Variants in CCDC93 observed in about 807,000 individuals in gnomAD.
The protein encoded by CCDC93 is coiled-coil domain-containing protein 93.
A neutral mutation model predicts 108.2 loss-of-function variants in CCDC93; 61 were observed. The observed-to-expected ratio is 0.56, with a 90% CI of 0.46 to 0.70. The LOEUF (loss-of-function observed/expected upper bound fraction) is 0.70. Among genes scored for constraint, CCDC93 ranks in the 30% least tolerant of loss-of-function variants. The pLI, the probability that CCDC93 is intolerant of heterozygous loss-of-function variation, is 0.00. For synonymous variants in CCDC93, 276 were observed against 260.4 expected, an observed-to-expected ratio of 1.06 and a Z score of -0.58; for missense variants, 685 against 764.2, an observed-to-expected ratio of 0.90 and a Z score of 1.22.
intron 6 of CCDC93, among the ~76,000 whole-genome samples, chr2:117,994,901 AG>A (rs1680596980): frequency 6.6e-6 from 1 of 152,184 alleles, no homozygotes; most frequent in Admixed American, 6.5e-5. Context: ...ACAGCTAACA[AG>A]GTTCCACAGC....
chr2:117,985,422 G>T, intron 7 of CCDC93: 1 of 966,688 alleles, frequency 1.0e-6, no homozygotes, highest in Non-Finnish European at 1.2e-6. Context: ...AAGAGAATGC[G>T]TGACATAAAA....
chr2:117,974,932 G>A, intron 9 of CCDC93, 32 bp from the exon 10 acceptor site: 8 of 1,548,282 alleles, frequency 5.2e-6, no homozygotes, highest in Non-Finnish European at 7.0e-6. Flanking sequence ...GCAGCAGTGA[G>A]TGGTTCTGAA....
intron 11 of CCDC93, among the ~76,000 whole-genome samples, chr2:117,970,804 GACAA>G (rs915805908): frequency 1.4e-4 from 22 of 151,986 alleles, no homozygotes; most frequent in Non-Finnish European, 2.6e-4. Flanking sequence ...TAACAAATTA[GACAA>G]ACAAAAAAAT....
Position 118,000,930 on chromosome 2 carries a change from G to A in CCDC93, c.254C>T (p.Ala85Val). 6.2e-7 allele frequency: 1 copy of A among 1,601,936 alleles called. No individual in the cohort carries two copies. The highest frequency in any genetic ancestry group is 8.6e-7 in the Non-Finnish European group (1 of 1,169,046). Residue 85 changes from alanine (A) to valine (V), a missense_variant and splice_region_variant, in exon 4 of 24, where the codon GCT becomes GTT. Ala to Val is a moderately conservative substitution (Grantham distance 64). Transcript: ENST00000376300. ...QENSTIGQKI[A>V]LSEKIVSVLP... ...GACCGAGACAATTTTTTCTGACAGA[G>A]CTCTGTTCAGAAAAAGTAACAAGCA... is the stretch of plus-strand genomic sequence containing the variant.
At chr2:117,973,192 T>C (rs1270263304) in intron 11 of CCDC93, among the ~76,000 whole-genome samples, 5 of 152,038 alleles carry the variant, frequency 3.3e-5, no homozygotes, top group African/African-American at 1.2e-4. Flanking sequence ...CAGAGCTAAT[T>C]TGTAGTAAAA....
intron 12 of CCDC93, among the ~76,000 whole-genome samples, chr2:117,956,804 T>C (rs1679231490): frequency 6.6e-6 from 1 of 152,150 alleles, no homozygotes; most frequent in African/African-American, 2.4e-5. Context: ...AAAGAAATGA[T>C]TGGGCAGGAC....
chr2:117,990,921 G>A (rs890669972), intron 6 of CCDC93, among the ~76,000 whole-genome samples: 1 of 151,482 alleles, frequency 6.6e-6, no homozygotes, highest in Non-Finnish European at 1.5e-5. Context: ...TATCATGGGT[G>A]ATTTAGTTTT....
chr2:118,013,934 G>A lies in CCDC93; in HGVS notation c.42+20C>T, dbSNP rs1385701254. On this transcript the variant is annotated intron_variant, in intron 1 of 23. Transcript: ENST00000376300. Reference sequence around the variant, plus strand: ...TCTTCAGGAACCCCGACGTGTCAGGGAAGGAGGAGGCGTTCTTACCTCCGG... The same window carrying A: ...TCTTCAGGAACCCCGACGTGTCAGGAAAGGAGGAGGCGTTCTTACCTCCGG... The A allele has an allele frequency of 1.9e-6, 3 of 1,566,512 alleles. No homozygotes were observed. The highest frequency in any genetic ancestry group is 2.6e-6 in the Non-Finnish European group (3 of 1,157,296).
chr2:117,928,794 T>C (rs928305771), intron 23 of CCDC93, among the ~76,000 whole-genome samples: 19 of 152,308 alleles, frequency 1.2e-4, no homozygotes, highest in Non-Finnish European at 1.5e-5. Flanking sequence ...CATGCTGCAA[T>C]AAAGACACAT....
Position 117,919,552 on chromosome 2 carries a change from T to C in CCDC93, c.*791A>G, listed in dbSNP as rs1436352819. The C allele has an allele frequency of 6.6e-6, 1 of 152,214 alleles. No homozygotes were observed. The highest frequency in any genetic ancestry group is 2.4e-5 in the African/African-American group (1 of 41,448). 9.4% of individuals were successfully genotyped at this position (152,214 alleles called of 1,614,324 possible). ...TCAAATGTGCCTTCAATGAGGGGGA[T>C]GCACAGCCCCTCTGCATGCTGTGAC... On this transcript the variant is annotated 3_prime_UTR_variant, in exon 24 of 24. Transcript: ENST00000376300.
At position 117,916,204 on chromosome 2, in the gene CCDC93, T is replaced by C. The variant is rs1573448721; in HGVS notation, c.*4139A>G. On this transcript the variant is annotated 3_prime_UTR_variant, in exon 24 of 24. Transcript: ENST00000376300. ...CCACAGCCTTGCACTGTGGTCCCAC[T>C]TCTTGGTTCACATGGCTGAGACATT... 6.6e-6 allele frequency: 1 copy of C among 152,302 alleles called. No homozygotes were observed. The highest frequency in any genetic ancestry group is 2.1e-4 in the South Asian group (1 of 4,822). 9.4% of individuals were successfully genotyped at this position (152,302 alleles called of 1,614,324 possible).
At chr2:117,974,730 A>G in intron 10 of CCDC93, 120 bp downstream of exon 10, 1 of 694,566 alleles carries the variant, frequency 1.4e-6, no homozygotes, top group Non-Finnish European at 2.6e-6. Flanking sequence ...CCTGGGGAAG[A>G]GGAGGTACTG....
chr2:117,946,730 G>C lies in CCDC93; in HGVS notation c.1296+81C>G. The C allele has an allele frequency of 2.2e-5, 20 of 918,974 alleles. No individual in the cohort carries two copies. In the South Asian group the frequency reaches 2.8e-4, roughly 13 times the overall value. 56.9% of individuals were successfully genotyped at this position (918,974 alleles called of 1,614,324 possible). A position where few individuals can be genotyped will look rare whatever the true frequency, so the allele number is the denominator to read the frequency against. On this transcript the variant is annotated intron_variant, in intron 16 of 23. Coordinates refer to ENST00000376300, the MANE Select transcript of CCDC93 (RefSeq NM_019044.5). ...ATTTACAGGATAAGTTAGCAACAGC[G>C]GTCTGCTCTTTGGTCCTCTAGAACT...
At chr2:117,962,502 G>C (rs1679429190) in intron 11 of CCDC93, among the ~76,000 whole-genome samples, 1 of 152,174 alleles carries the variant, frequency 6.6e-6, no homozygotes, top group Non-Finnish European at 1.5e-5. Flanking sequence ...AATTAGCCAG[G>C]CATAGTGGCA....
chr2:117,921,437 C>T (rs1391059925), intron 23 of CCDC93, among the ~76,000 whole-genome samples: 3 of 152,088 alleles, frequency 2.0e-5, no homozygotes, highest in Non-Finnish European at 4.4e-5. Flanking sequence ...AGCAAACCTC[C>T]AATAACTCTG....
rs1677775586 is a variant in CCDC93, at chr2:117,918,904, T to C, written c.*1439A>G. ...TTAATCCAGCACGTGTGTGTGTTTT[T>C]AAATCTGTACACATCAGCCCTGCTT... On this transcript the variant is annotated 3_prime_UTR_variant, in exon 24 of 24. Coordinates refer to ENST00000376300, the MANE Select transcript of CCDC93 (RefSeq NM_019044.5). 6.6e-6 allele frequency: 1 copy of C among 152,262 alleles called. No homozygotes were observed. The highest frequency in any genetic ancestry group is 1.5e-5 in the Non-Finnish European group (1 of 68,048). The allele number at this position is 152,262 out of a possible 1,614,324, so 9.4% of individuals were successfully genotyped here.
At chr2:117,946,775 A>G in intron 16 of CCDC93, 36 bp downstream of exon 16, 2 of 1,447,120 alleles carry the variant, frequency 1.4e-6, no homozygotes, top group Non-Finnish European at 1.9e-6. Flanking sequence ...CCGTAATAGC[A>G]CCTGAGAGTC....
intron 3 of CCDC93, among the ~76,000 whole-genome samples, chr2:118,001,511 A>G (rs1676684840): frequency 6.6e-6 from 1 of 151,666 alleles, no homozygotes; most frequent in Non-Finnish European, 1.5e-5. Context: ...TAAATTCTAG[A>G]GTTGAAGGAA....
chr2:117,949,401 AG>A lies in CCDC93; in HGVS notation c.1069-7del. On this transcript the variant is annotated splice_polypyrimidine_tract_variant and splice_region_variant and intron_variant, in intron 13 of 23. Coordinates refer to ENST00000376300, the MANE Select transcript of CCDC93 (RefSeq NM_019044.5). ...TTCTCACTGTAAGTCTTCAGCTGCA[AG>A]AGAGAATGAAGACATGGTTGCTGGA... 6.2e-7 allele frequency: 1 copy of A among 1,607,930 alleles called. No homozygotes were observed. Among genetic ancestry groups the A allele is most frequent in the Non-Finnish European group, 8.5e-7 (1 of 1,174,510 alleles).
Sources: allele counts gnomAD v4.1 joint callset (sites outside exome capture counted in the v4.1 genomes callset), GRCh38; gene constraint gnomAD v4.1.1; transcripts MANE v1.5; gene names NCBI Gene and HGNC (gene_info 2026-07-23, HGNC 2026-07-21).